TMEM132B: variants seen among roughly 807,000 people sequenced by gnomAD.
TMEM132B encodes transmembrane protein 132B.
In TMEM132B, 18 loss-of-function variants were observed where a neutral mutation model predicts 90.8. The observed-to-expected ratio is 0.20, with a 90% CI of 0.14 to 0.29. TMEM132B has a LOEUF of 0.29. TMEM132B is among the 10% of genes least tolerant of loss of function. The probability of loss-of-function intolerance (pLI) is 1.00; values close to 1 mark genes in which losing one functional copy is unlikely to be tolerated. For missense variants in TMEM132B, 1,096 were observed against 1,326.8 expected (o/e 0.83, Z 2.70); for synonymous variants, 504 against 523.3 (o/e 0.96, Z 0.50).
chr12:125,398,740 T>C (rs1341438993), intron 2 of TMEM132B, among the ~76,000 whole-genome samples: 1 of 152,244 alleles, frequency 6.6e-6, no homozygotes, highest in Non-Finnish European at 1.5e-5. Flanking sequence ...TGTTATCTAT[T>C]GGTGAGTAGC....
At chr12:125,341,060 T>C (rs1877163995) in intron 1 of TMEM132B, among the ~76,000 whole-genome samples, 1 of 152,230 alleles carries the variant, frequency 6.6e-6, no homozygotes, top group Admixed American at 6.5e-5. Flanking sequence ...GCTGGGCAAT[T>C]CAGAGCCACA....
intron 5 of TMEM132B, among the ~76,000 whole-genome samples, chr12:125,595,823 T>C (rs971379182): frequency 6.6e-6 from 1 of 151,762 alleles, no homozygotes; most frequent in African/African-American, 2.4e-5. Context: ...AAATTTCACA[T>C]TGAACCCAGC....
rs1566102603 is a variant in TMEM132B, at chr12:125,652,157, G to GT, written c.1915-278dup. 2.0e-5 allele frequency among the ~76,000 whole-genome samples: 3 copies of GT among 152,320 alleles called. No homozygotes were observed. The South Asian group carries it at 6.2e-4, about 32-fold the overall frequency. On this transcript the variant is annotated intron_variant, in intron 7 of 8. Transcript: ENST00000682704. The stretch of plus-strand genomic sequence containing the variant: ...TTTGAGTACCTAATATCAATGGACA[G>GT]TTTTTTATTATTGCCTGTAAGTTAA...
chr12:125,519,647 G>A, intron 4 of TMEM132B, 22 bp downstream of exon 4: 1 of 1,612,334 alleles, frequency 6.2e-7, no homozygotes, highest in Non-Finnish European at 8.5e-7. Flanking sequence ...GGGGGTTTCA[G>A]AGGAAGTGTC....
intron 1 of TMEM132B, among the ~76,000 whole-genome samples, chr12:125,284,493 C>G (rs1875292131): frequency 6.6e-6 from 1 of 152,188 alleles, no homozygotes; most frequent in Non-Finnish European, 1.5e-5. Context: ...CTCCCCCCTG[C>G]TCCCTTCTTA....
intron 3 of TMEM132B, among the ~76,000 whole-genome samples, chr12:125,494,312 G>A (rs1294548837): frequency 9.8e-5 from 7 of 71,580 alleles, no homozygotes; most frequent in African/African-American, 1.7e-4. Flanking sequence ...AAATGGCCAC[G>A]CCCCTCCTCC....
At chr12:125,617,784 T>C (rs940851884) in intron 5 of TMEM132B, among the ~76,000 whole-genome samples, 3 of 152,128 alleles carry the variant, frequency 2.0e-5, no homozygotes, top group African/African-American at 7.2e-5. Context: ...TTCCACAGTC[T>C]GATACATTAA....
In TMEM132B at chr12:125,659,916, T is replaced by A. The variant is rs1464613379; in HGVS notation, c.*5206T>A. ...CCATCAGAATTGCTTCTCAGCACTTTGGGTAACTGTTTTGCACTAACAGCT... is the reference window on the plus strand; with the variant it reads ...CCATCAGAATTGCTTCTCAGCACTTAGGGTAACTGTTTTGCACTAACAGCT... On this transcript the variant is annotated 3_prime_UTR_variant, in exon 9 of 9. Coordinates refer to ENST00000682704, the MANE Select transcript of TMEM132B (RefSeq NM_001366854.1). The A allele has an allele frequency of 6.6e-6, 1 of 152,226 alleles. No homozygotes were observed. Among genetic ancestry groups the A allele is most frequent in the African/African-American group, 2.4e-5 (1 of 41,450 alleles). The allele number at this position is 152,226 out of a possible 1,614,324, so 9.4% of individuals were successfully genotyped here.
intron 4 of TMEM132B, among the ~76,000 whole-genome samples, chr12:125,523,051 G>A (rs528215082): frequency 1.2e-4 from 19 of 152,252 alleles, no homozygotes; most frequent in South Asian, 8.3e-4. Context: ...GCATGGTGCC[G>A]AATATATAGT....
rs58083131 is a variant in TMEM132B at position 125,560,831 on chromosome 12, C to CAAAAA, written c.1294-22995_1294-22991dup. Among the ~76,000 whole-genome samples the CAAAAA allele has an allele frequency of 2.7e-3, 78 of 29,256 alleles. 26 individuals carry two copies. Among genetic ancestry groups the CAAAAA allele is most frequent in the East Asian group, 0.01 (5 of 490 alleles). 19.2% of individuals were successfully genotyped at this position (29,256 alleles called of 152,430 possible). A position where few individuals can be genotyped will look rare whatever the true frequency, so the allele number is the denominator to read the frequency against. On this transcript the variant is annotated intron_variant, in intron 4 of 8. Transcript: ENST00000682704. ...TGGGTGACAGAGCGAGACTCTGTCTCAAAAAAAAAAAAAAAAAAAAAAAAA... is the reference window on the plus strand; with the variant it reads ...TGGGTGACAGAGCGAGACTCTGTCTCAAAAAAAAAAAAAAAAAAAAAAAAAAAAAA...
intron 1 of TMEM132B, among the ~76,000 whole-genome samples, chr12:125,300,747 C>T (rs1208230892): frequency 2.0e-5 from 3 of 152,106 alleles, no homozygotes; most frequent in East Asian, 3.9e-4. Flanking sequence ...GTAACTTGCC[C>T]GAGGCCACAC....
chr12:125,378,358 C>T lies in TMEM132B; in HGVS notation c.959+28015C>T, dbSNP rs145150670. Among the ~76,000 whole-genome samples the T allele has an allele frequency of 2.5e-3, 376 of 152,298 alleles. 2 individuals are homozygous for T. Among genetic ancestry groups the T allele is most frequent in the African/African-American group, 8.6e-3 (358 of 41,544 alleles). On this transcript the variant is annotated intron_variant, in intron 2 of 8. Coordinates refer to ENST00000682704, the MANE Select transcript of TMEM132B (RefSeq NM_001366854.1). Reference sequence around the variant, plus strand: ...ATCAGCTGGAGTGCATTTGACTGCACGTACCATCAAATCCAATGACAGTGC... The same window carrying T: ...ATCAGCTGGAGTGCATTTGACTGCATGTACCATCAAATCCAATGACAGTGC...
chr12:125,257,939 T>C (rs1271317076), intron 1 of TMEM132B, among the ~76,000 whole-genome samples: 2 of 152,238 alleles, frequency 1.3e-5, no homozygotes, highest in Non-Finnish European at 2.9e-5. Flanking sequence ...TTTGAACTTC[T>C]GGCTTCCAGA....
At chr12:125,611,475 T>C (rs1460317542) in intron 5 of TMEM132B, among the ~76,000 whole-genome samples, 1 of 152,068 alleles carries the variant, frequency 6.6e-6, no homozygotes, top group Admixed American at 6.5e-5. Flanking sequence ...TCTTTTCCAC[T>C]GTCTGAAGGT....
chr12:125,319,010 G>A (rs1027130728), intron 1 of TMEM132B, among the ~76,000 whole-genome samples: 5 of 152,220 alleles, frequency 3.3e-5, no homozygotes, highest in African/African-American at 1.2e-4. Flanking sequence ...GTCCCCAGAG[G>A]CCATGATATA....
intron 3 of TMEM132B, among the ~76,000 whole-genome samples, chr12:125,461,910 C>T (rs1170336555): frequency 6.6e-6 from 1 of 152,206 alleles, no homozygotes; most frequent in East Asian, 1.9e-4. Context: ...CTGTGCTGTT[C>T]AATCTTCATA....
At chr12:125,515,149 CAT>C (rs555568727) in intron 3 of TMEM132B, among the ~76,000 whole-genome samples, 7 of 152,162 alleles carry the variant, frequency 4.6e-5, no homozygotes, top group Non-Finnish European at 8.8e-5. Flanking sequence ...CACACAAACA[CAT>C]ATGTTCGCAC....
intron 2 of TMEM132B, among the ~76,000 whole-genome samples, chr12:125,392,421 G>T (rs1448788120): frequency 6.6e-6 from 1 of 152,194 alleles, no homozygotes; most frequent in African/African-American, 2.4e-5. Context: ...ATCCAAGTGG[G>T]CACTGTTATC....
intron 5 of TMEM132B, among the ~76,000 whole-genome samples, chr12:125,625,243 C>CT (rs1290762975): frequency 2.7e-5 from 4 of 150,764 alleles, no homozygotes; most frequent in African/African-American, 9.8e-5. Context: ...CGCCATTCTC[C>CT]TGCCTCAGCT....
Sources: allele counts gnomAD v4.1 joint callset (sites outside exome capture counted in the v4.1 genomes callset), GRCh38; gene constraint gnomAD v4.1.1; transcripts MANE v1.5; gene names NCBI Gene and HGNC (gene_info 2026-07-23, HGNC 2026-07-21).